FAM114A2: variants seen among roughly 807,000 people sequenced by gnomAD.
FAM114A2 encodes the protein family with sequence similarity 114 member A2.
In FAM114A2, 53 loss-of-function variants were observed where a neutral mutation model predicts 58.4. The observed-to-expected ratio is 0.91, with a 90% confidence interval of 0.73 to 1.14. The LOEUF (loss-of-function observed/expected upper bound fraction) is 1.14. Ranked by LOEUF, FAM114A2 falls within the 50% of genes most tolerant of loss-of-function variation. The pLI, the probability that FAM114A2 is intolerant of heterozygous loss-of-function variation, is 0.00. For synonymous variants in FAM114A2, 228 were observed against 211.4 expected, an observed-to-expected ratio of 1.08 and a Z score of -0.68; for missense variants, 601 against 581.1, an observed-to-expected ratio of 1.03 and a Z score of -0.35.
intron 12 of FAM114A2, among the ~76,000 whole-genome samples, chr5:153,996,495 C>T (rs770337576): frequency 5.3e-5 from 8 of 149,534 alleles, no homozygotes; most frequent in East Asian, 2.0e-4. Flanking sequence ...GATCAAAAAG[C>T]GAAATGACAA....
At position 154,034,225 on chromosome 5, in the gene FAM114A2, T is replaced by C. The variant is rs1446909243; in HGVS notation, c.310+53A>G. 4 of 1,081,314 alleles carry C rather than the reference T, an allele frequency of 3.7e-6. No individual in the cohort carries two copies. In the African/African-American group the frequency reaches 6.4e-5, roughly 17 times the overall value. The allele number at this position is 1,081,314 out of a possible 1,614,324, so 67.0% of individuals were successfully genotyped here. On this transcript the variant is annotated intron_variant, in intron 3 of 13. Coordinates refer to ENST00000351797, the MANE Select transcript of FAM114A2 (RefSeq NM_018691.4). ...TTAACCAAGTCATATGCAATGCAGA[T>C]CTGTATAAAATAAATACACACACAA...
chr5:154,035,338 C>A (rs940180135), intron 1 of FAM114A2, among the ~76,000 whole-genome samples: 38 of 152,190 alleles, frequency 2.5e-4, no homozygotes, highest in African/African-American at 9.2e-4. Context: ...GCCATAACCA[C>A]TTCCGACACT....
chr5:154,023,782 A>C (rs999078507), intron 8 of FAM114A2, among the ~76,000 whole-genome samples: 1 of 152,172 alleles, frequency 6.6e-6, no homozygotes, highest in African/African-American at 2.4e-5. Context: ...ATGGAAATAA[A>C]AAAAATTGAA....
At chr5:154,038,061 C>G (rs1186235907) in intron 1 of FAM114A2, among the ~76,000 whole-genome samples, 1 of 151,562 alleles carries the variant, frequency 6.6e-6, no homozygotes, top group Non-Finnish European at 1.5e-5. Flanking sequence ...GAATAAACAC[C>G]AAGTACGTGG....
chr5:154,035,764 T>C (rs548155024), intron 1 of FAM114A2, among the ~76,000 whole-genome samples: 1 of 152,348 alleles, frequency 6.6e-6, no homozygotes, highest in South Asian at 2.1e-4. Flanking sequence ...GAAACTGCCA[T>C]ACTCTTTTCC....
intron 13 of FAM114A2, among the ~76,000 whole-genome samples, chr5:153,993,892 T>C (rs1304417222): frequency 2.6e-5 from 4 of 152,192 alleles, no homozygotes; most frequent in African/African-American, 7.2e-5. Flanking sequence ...TGACATTTAA[T>C]ACTCAATTTC....
intron 8 of FAM114A2, among the ~76,000 whole-genome samples, chr5:154,023,731 A>G (rs997996608): frequency 6.6e-6 from 1 of 152,200 alleles, no homozygotes; most frequent in Non-Finnish European, 1.5e-5. Context: ...TCACCAGTAA[A>G]GAACTTATGT....
intron 9 of FAM114A2, among the ~76,000 whole-genome samples, chr5:154,009,917 T>C (rs1770580135): frequency 6.6e-6 from 1 of 152,120 alleles, no homozygotes; most frequent in African/African-American, 2.4e-5. Context: ...GAGGAAAAAG[T>C]TTGGTATTAT....
intron 6 of FAM114A2, 121 bp downstream of exon 6, chr5:154,028,028 G>T (rs911764767): frequency 9.4e-6 from 8 of 851,064 alleles, no homozygotes; most frequent in Admixed American, 4.9e-5. Flanking sequence ...CCAAAAAAAC[G>T]CCTGAATAAA....
intron 8 of FAM114A2, among the ~76,000 whole-genome samples, chr5:154,011,821 CAA>C (rs1249447747): frequency 1.3e-5 from 2 of 151,964 alleles, no homozygotes; most frequent in African/African-American, 4.8e-5. Context: ...GGCAGAGAAA[CAA>C]ATGTAAAAAG....
At position 153,993,129 on chromosome 5, in the gene FAM114A2, C is replaced by T; in HGVS notation, c.1384-19G>A. The stretch of plus-strand genomic sequence containing the variant: ...TTGATGCCTGCCAGGATTGAAAAAA[C>T]AAGAAAAAGAAAATATTAGTTATTT... On this transcript the variant is annotated intron_variant, in intron 13 of 13. Coordinates refer to ENST00000351797, the MANE Select transcript of FAM114A2 (RefSeq NM_018691.4). 6.3e-7 allele frequency: 1 copy of T among 1,592,828 alleles called. No homozygotes were observed. Among genetic ancestry groups the T allele is most frequent in the Non-Finnish European group, 8.5e-7 (1 of 1,170,486 alleles).
chr5:154,028,797 G>T (rs1028897308), intron 5 of FAM114A2, among the ~76,000 whole-genome samples: 1 of 152,138 alleles, frequency 6.6e-6, no homozygotes, highest in Non-Finnish European at 1.5e-5. Context: ...TGAAATGCAG[G>T]CAAAATTAAC....
intron 11 of FAM114A2, among the ~76,000 whole-genome samples, chr5:154,000,987 TACA>T (rs1366930731): frequency 6.6e-6 from 1 of 152,218 alleles, no homozygotes; most frequent in East Asian, 1.9e-4. Context: ...TTCTAATTTT[TACA>T]ACAACTCCAA....
chr5:154,015,492 T>G (rs1770980552), intron 8 of FAM114A2, among the ~76,000 whole-genome samples: 1 of 152,136 alleles, frequency 6.6e-6, no homozygotes, highest in Admixed American at 6.5e-5. Flanking sequence ...CTGGGAGACT[T>G]GCTGGGTGGC....
At chr5:154,006,647 T>C (rs932969642) in intron 9 of FAM114A2, among the ~76,000 whole-genome samples, 5 of 152,094 alleles carry the variant, frequency 3.3e-5, no homozygotes, top group Admixed American at 6.6e-5. Flanking sequence ...ATACAAACAA[T>C]ATGTTAAATT....
chr5:154,010,239 T>C (rs930089955), intron 9 of FAM114A2, among the ~76,000 whole-genome samples: 1 of 152,212 alleles, frequency 6.6e-6, no homozygotes, highest in Non-Finnish European at 1.5e-5. Context: ...AGTACTGGAT[T>C]TGCATAAAAG....
chr5:154,003,081 G>C, intron 9 of FAM114A2, 112 bp from the exon 10 acceptor site: 1 of 854,252 alleles, frequency 1.2e-6, no homozygotes, highest in Non-Finnish European at 1.9e-6. Flanking sequence ...GTTCTTACCT[G>C]AACGTACCAT....
intron 11 of FAM114A2, among the ~76,000 whole-genome samples, chr5:153,999,922 T>C (rs1459364040): frequency 1.3e-5 from 2 of 152,170 alleles, no homozygotes; most frequent in African/African-American, 4.8e-5. Flanking sequence ...GTGGTGTGTA[T>C]GCGTGTGTGT....
At chr5:153,995,003 A>C in intron 12 of FAM114A2, 31 bp from the exon 13 acceptor site, 1 of 1,488,234 alleles carries the variant, frequency 6.7e-7, no homozygotes. Flanking sequence ...TTAAGTGAGC[A>C]GAGTAGGTTA....
Sources: gnomAD v4.1 joint callset for allele counts (sites outside exome capture counted in the v4.1 genomes callset) on GRCh38, gnomAD v4.1.1 for gene constraint, MANE v1.5 for transcripts, NCBI Gene and HGNC (gene_info 2026-07-23, HGNC 2026-07-21) for gene names.